EXOC6B: variants seen among roughly 807,000 people sequenced by gnomAD.
EXOC6B encodes exocyst complex component 6B, also known as SEC15 homolog B.
Under a neutral mutation model 113.5 loss-of-function variants are expected in EXOC6B, and 54 were observed. The ratio of observed to expected loss-of-function variants is 0.48; its 90% CI spans 0.38 to 0.60. The LOEUF (loss-of-function observed/expected upper bound fraction) is 0.60. Ranked by LOEUF, EXOC6B falls within the 20% of genes least tolerant of loss-of-function variation. The pLI is 0.00. For missense variants in EXOC6B, 797 were observed against 977.5 expected (o/e 0.82, Z 2.46); for synonymous variants, 357 against 339.0 (o/e 1.05, Z -0.58).
In EXOC6B at chr2:72,668,395, C is replaced by G. The variant is rs550523981; in HGVS notation, c.669+49708G>C. On this transcript the variant is annotated intron_variant, in intron 6 of 21. Coordinates refer to ENST00000272427, the MANE Select transcript of EXOC6B (RefSeq NM_015189.3). ...AGCAAGAGTTGAACTACCATTTGAC[C>G]AAGCAATCCCATTACTGAGTATATA... Among the ~76,000 whole-genome samples the G allele has an allele frequency of 3.3e-5, 5 of 151,644 alleles. No individual in the cohort carries two copies. The South Asian group carries it at 1.0e-3, about 32-fold the overall frequency.
intron 1 of EXOC6B, among the ~76,000 whole-genome samples, chr2:72,752,598 C>T (rs920124747): frequency 1.2e-4 from 18 of 150,924 alleles, no homozygotes; most frequent in African/African-American, 4.1e-4. Flanking sequence ...CTCCCTCCCT[C>T]ACCCCTGCCT....
At chr2:72,812,512 G>A (rs1685978239) in intron 1 of EXOC6B, among the ~76,000 whole-genome samples, 1 of 152,114 alleles carries the variant, frequency 6.6e-6, no homozygotes, top group South Asian at 2.1e-4. Flanking sequence ...TTTTGCTGAT[G>A]TAGAAAAGAT....
chr2:72,431,268 T>C (rs1695502107), intron 18 of EXOC6B, among the ~76,000 whole-genome samples: 1 of 152,180 alleles, frequency 6.6e-6, no homozygotes, highest in Non-Finnish European at 1.5e-5. Flanking sequence ...ATTCATAACT[T>C]GGCTTCAAAT....
At chr2:72,515,765 C>T in intron 8 of EXOC6B, 1 of 981,484 alleles carries the variant, frequency 1.0e-6, no homozygotes, top group African/African-American at 1.7e-5. Flanking sequence ...AGTGGTTTCT[C>T]CAAATTCATG....
intron 15 of EXOC6B, among the ~76,000 whole-genome samples, chr2:72,494,047 A>G (rs1247464072): frequency 6.6e-6 from 1 of 152,160 alleles, no homozygotes; most frequent in Middle Eastern, 3.2e-3. Context: ...AGTAAAAGGC[A>G]TCTAGCTTTT....
chr2:72,743,270 C>A (rs746693559), intron 1 of EXOC6B, among the ~76,000 whole-genome samples: 6 of 152,142 alleles, frequency 3.9e-5, no homozygotes, highest in Admixed American at 1.3e-4. Context: ...ATCTACTCCA[C>A]CCCCTGCCCC....
chr2:72,239,323 TAGG>T (rs1365949090), intron 20 of EXOC6B, among the ~76,000 whole-genome samples: 2 of 152,248 alleles, frequency 1.3e-5, no homozygotes, highest in Non-Finnish European at 2.9e-5. Flanking sequence ...AGCTTACATT[TAGG>T]TCTTTGATAC....
Position 72,266,573 on chromosome 2 carries a change from G to A in EXOC6B, c.2196+68374C>T, listed in dbSNP as rs1457813473. ...AAAGATCAGATAGTTGTAGATATGC[G>A]GTGTTATTTCTGAGGGCTCTGTTCT... On this transcript the variant is annotated intron_variant, in intron 20 of 21. Coordinates refer to ENST00000272427, the MANE Select transcript of EXOC6B (RefSeq NM_015189.3). Among the ~76,000 whole-genome samples the A allele has an allele frequency of 3.4e-4, 51 of 151,854 alleles. No homozygotes were observed. In the East Asian group the frequency reaches 3.9e-3, roughly 12 times the overall value.
intron 19 of EXOC6B, among the ~76,000 whole-genome samples, chr2:72,376,299 C>T (rs1048002372): frequency 2.6e-5 from 4 of 151,920 alleles, no homozygotes; most frequent in Non-Finnish European, 5.9e-5. Flanking sequence ...CTTTATTTTC[C>T]GTTTATTTTT....
chr2:72,420,794 T>A (rs1439590730), intron 18 of EXOC6B, among the ~76,000 whole-genome samples: 1 of 152,192 alleles, frequency 6.6e-6, no homozygotes, highest in Non-Finnish European at 1.5e-5. Context: ...TAGTTCTAGA[T>A]CCTTGAGGAA....
intron 18 of EXOC6B, among the ~76,000 whole-genome samples, chr2:72,448,188 C>T (rs764592271): frequency 2.6e-5 from 4 of 152,104 alleles, no homozygotes; most frequent in Admixed American, 6.6e-5. Flanking sequence ...ATTTCATTCC[C>T]CTGTTTCTTT....
chr2:72,411,271 T>C (rs1321387930), intron 18 of EXOC6B, among the ~76,000 whole-genome samples: 1 of 152,054 alleles, frequency 6.6e-6, no homozygotes, highest in Non-Finnish European at 1.5e-5. Context: ...ATACTTTTAG[T>C]AACACATCTG....
intron 20 of EXOC6B, among the ~76,000 whole-genome samples, chr2:72,192,140 G>T (rs191862609): frequency 6.6e-6 from 1 of 152,088 alleles, no homozygotes; most frequent in South Asian, 2.1e-4. Context: ...CATCTCCCAC[G>T]TAGACAGGAG....
At chr2:72,413,795 G>T (rs577236044) in intron 18 of EXOC6B, among the ~76,000 whole-genome samples, 1 of 152,206 alleles carries the variant, frequency 6.6e-6, no homozygotes, top group African/African-American at 2.4e-5. Context: ...CTTCTGAGTA[G>T]CTGGGATTAC....
In EXOC6B at chr2:72,630,620, A is replaced by G. The variant is rs192920844; in HGVS notation, c.670-54952T>C. Among the ~76,000 whole-genome samples, 245 of 152,228 alleles carry G rather than the reference A, an allele frequency of 1.6e-3. 2 individuals are homozygous for G. The highest frequency in any genetic ancestry group is 5.6e-3 in the African/African-American group (232 of 41,538). Reference sequence around the variant, plus strand: ...CTCATTCTGAGATCATCAAACTTCTATATACCCTTCCACATGATACAATAA... The same window carrying G: ...CTCATTCTGAGATCATCAAACTTCTGTATACCCTTCCACATGATACAATAA... On this transcript the variant is annotated intron_variant, in intron 6 of 21. Coordinates refer to ENST00000272427, the MANE Select transcript of EXOC6B (RefSeq NM_015189.3).
intron 1 of EXOC6B, among the ~76,000 whole-genome samples, chr2:72,787,196 T>TTTA (rs1684422459): frequency 6.6e-6 from 1 of 151,940 alleles, no homozygotes; most frequent in Non-Finnish European, 1.5e-5. Flanking sequence ...TTTTATTTTA[T>TTTA]TTATTTTTTT....
intron 19 of EXOC6B, among the ~76,000 whole-genome samples, chr2:72,338,498 A>C (rs913184177): frequency 2.0e-5 from 3 of 152,118 alleles, no homozygotes; most frequent in African/African-American, 7.2e-5. Flanking sequence ...TAATTACTTC[A>C]TTTAAAGGAA....
intron 6 of EXOC6B, among the ~76,000 whole-genome samples, chr2:72,632,500 G>A (rs1004927992): frequency 6.6e-6 from 1 of 151,794 alleles, no homozygotes; most frequent in South Asian, 2.1e-4. Flanking sequence ...TTATATAGTT[G>A]GTATTTTAAT....
intron 20 of EXOC6B, among the ~76,000 whole-genome samples, chr2:72,265,936 A>T (rs1188863322): frequency 2.0e-5 from 3 of 151,960 alleles, no homozygotes; most frequent in Non-Finnish European, 4.4e-5. Flanking sequence ...ACTTTTTAAT[A>T]ATTGCCATTC....
Sources: gnomAD v4.1 joint callset for allele counts (sites outside exome capture counted in the v4.1 genomes callset) on GRCh38, gnomAD v4.1.1 for gene constraint, MANE v1.5 for transcripts, NCBI Gene and HGNC (gene_info 2026-07-23, HGNC 2026-07-21) for gene names.